PTPRK: variants seen among roughly 807,000 people sequenced by gnomAD.
PTPRK encodes receptor-type tyrosine-protein phosphatase kappa.
Under a neutral mutation model 178.0 loss-of-function variants are expected in PTPRK, and 75 were observed. The ratio of observed to expected loss-of-function variants is 0.42; its 90% CI spans 0.35 to 0.51. The LOEUF (loss-of-function observed/expected upper bound fraction) is 0.51, where lower values mean the gene tolerates loss of function less well. Ranked by LOEUF, PTPRK falls within the 20% of genes least tolerant of loss-of-function variation. The pLI is 0.02. For synonymous variants in PTPRK, 637 were observed against 620.6 expected, an observed-to-expected ratio of 1.03 and a Z score of -0.39; for missense variants, 1,441 against 1,797.8, an observed-to-expected ratio of 0.80 and a Z score of 3.59.
chr6:128,237,805 A>C (rs888083902), intron 5 of PTPRK, among the ~76,000 whole-genome samples: 4 of 151,312 alleles, frequency 2.6e-5, no homozygotes, highest in African/African-American at 9.8e-5. Flanking sequence ...TCACTTTGGA[A>C]CCAGAATTCT....
intron 1 of PTPRK, among the ~76,000 whole-genome samples, chr6:128,409,870 G>A (rs1272196887): frequency 1.3e-5 from 2 of 152,184 alleles, no homozygotes; most frequent in African/African-American, 4.8e-5. Flanking sequence ...CCCCAGCCAT[G>A]TGGAACTGTA....
At chr6:128,128,707 T>C (rs921817660) in intron 7 of PTPRK, among the ~76,000 whole-genome samples, 1 of 152,176 alleles carries the variant, frequency 6.6e-6, no homozygotes, top group Non-Finnish European at 1.5e-5. Flanking sequence ...TCCAACAAAA[T>C]TTTAAGATAC....
chr6:128,014,495 G>GT (rs1779382693), intron 13 of PTPRK, among the ~76,000 whole-genome samples: 1 of 151,514 alleles, frequency 6.6e-6, no homozygotes, highest in Non-Finnish European at 1.5e-5. Context: ...TAGCTTTTAG[G>GT]AATACCAAGT....
At chr6:128,135,994 T>C (rs1171637941) in intron 7 of PTPRK, among the ~76,000 whole-genome samples, 2 of 152,166 alleles carry the variant, frequency 1.3e-5, no homozygotes, top group Non-Finnish European at 2.9e-5. Flanking sequence ...CTAATACCTC[T>C]GAATGTGACT....
rs79286337 is a variant in PTPRK at position 128,173,773 on chromosome 6, C to T, written c.1162+10659G>A. Among the ~76,000 whole-genome samples the T allele has an allele frequency of 4.1e-3, 622 of 152,030 alleles. 2 individuals are homozygous for T. The highest frequency in any genetic ancestry group is 0.014 in the African/African-American group (582 of 41,516). On this transcript the variant is annotated intron_variant, in intron 7 of 29. Transcript: ENST00000368226. ...ATTGGAATTCTTATCTCCTCTGCTT[C>T]GGTTCAAGTACTGATCAATTTTTGC...
At chr6:128,414,151 TACTC>T (rs1406665197) in intron 1 of PTPRK, among the ~76,000 whole-genome samples, 2 of 152,160 alleles carry the variant, frequency 1.3e-5, no homozygotes, top group Non-Finnish European at 2.9e-5. Context: ...AGTAAATAGA[TACTC>T]ACAGAAAAAG....
chr6:128,050,409 T>C (rs1231667106), intron 13 of PTPRK, among the ~76,000 whole-genome samples: 1 of 152,228 alleles, frequency 6.6e-6, no homozygotes, highest in Non-Finnish European at 1.5e-5. Flanking sequence ...GGCTATTTTA[T>C]AAATGGAAAG....
intron 1 of PTPRK, among the ~76,000 whole-genome samples, chr6:128,409,028 A>G (rs1841999654): frequency 6.6e-6 from 1 of 152,246 alleles, no homozygotes; most frequent in Admixed American, 6.5e-5. Flanking sequence ...TGTTGAATCA[A>G]TTACAAAAAT....
intron 13 of PTPRK, among the ~76,000 whole-genome samples, chr6:128,054,566 A>AG (rs1184913642): frequency 6.6e-6 from 1 of 152,202 alleles, no homozygotes; most frequent in African/African-American, 2.4e-5. Context: ...TAAATAGCAG[A>AG]GGGGGGATTT....
intron 25 of PTPRK, among the ~76,000 whole-genome samples, chr6:127,978,518 C>G (rs1260027185): frequency 2.4e-4 from 36 of 152,128 alleles, no homozygotes; most frequent in Non-Finnish European, 1.5e-5. Flanking sequence ...AACTGTGAGT[C>G]AATTAAAACT....
At chr6:128,029,496 C>CA (rs1304653712) in intron 13 of PTPRK, among the ~76,000 whole-genome samples, 9 of 151,840 alleles carry the variant, frequency 5.9e-5, no homozygotes, top group African/African-American at 2.2e-4. Flanking sequence ...ACTAAAAATA[C>CA]AAAAATTAGC....
At chr6:128,156,616 C>T (rs1797989672) in intron 7 of PTPRK, among the ~76,000 whole-genome samples, 2 of 151,904 alleles carry the variant, frequency 1.3e-5, no homozygotes, top group Non-Finnish European at 1.5e-5. Flanking sequence ...CCAGGCCCTT[C>T]CTCCTACATG....
intron 1 of PTPRK, among the ~76,000 whole-genome samples, chr6:128,426,816 A>G (rs1844201771): frequency 6.6e-6 from 1 of 152,150 alleles, no homozygotes; most frequent in African/African-American, 2.4e-5. Context: ...GCCTGAAATT[A>G]AATATATAAT....
chr6:128,115,661 G>A (rs1791381252), intron 7 of PTPRK, among the ~76,000 whole-genome samples: 1 of 151,856 alleles, frequency 6.6e-6, no homozygotes, highest in Non-Finnish European at 1.5e-5. Flanking sequence ...AGCTTTCAAG[G>A]TTTAAATGAC....
intron 1 of PTPRK, among the ~76,000 whole-genome samples, chr6:128,489,559 T>C (rs1057430891): frequency 2.0e-5 from 3 of 152,252 alleles, no homozygotes; most frequent in South Asian, 2.1e-4. Flanking sequence ...CTTAGTCATA[T>C]AAAATTAAGG....
chr6:128,132,755 T>C (rs1450608167), intron 7 of PTPRK, among the ~76,000 whole-genome samples: 1 of 152,266 alleles, frequency 6.6e-6, no homozygotes, highest in Non-Finnish European at 1.5e-5. Flanking sequence ...GTTCTACATA[T>C]GCTACTGCAA....
At chr6:128,057,142 T>C (rs1780037876) in intron 13 of PTPRK, among the ~76,000 whole-genome samples, 1 of 152,210 alleles carries the variant, frequency 6.6e-6, no homozygotes, top group Admixed American at 6.5e-5. Context: ...ATGATTAATT[T>C]TCTAATTATT....
At chr6:128,253,600 A>G (rs1230098714) in intron 3 of PTPRK, among the ~76,000 whole-genome samples, 1 of 152,164 alleles carries the variant, frequency 6.6e-6, no homozygotes, top group Non-Finnish European at 1.5e-5. Flanking sequence ...TACAATCCAC[A>G]AGCAGAACCT....
intron 13 of PTPRK, among the ~76,000 whole-genome samples, chr6:128,031,553 G>T (rs1775334904): frequency 6.6e-6 from 1 of 152,182 alleles, no homozygotes; most frequent in Admixed American, 6.5e-5. Context: ...TGTAAGAACA[G>T]ACTATGGTAA....
Sources: gnomAD v4.1 joint callset for allele counts (sites outside exome capture counted in the v4.1 genomes callset) on GRCh38, gnomAD v4.1.1 for gene constraint, MANE v1.5 for transcripts, NCBI Gene and HGNC (gene_info 2026-07-23, HGNC 2026-07-21) for gene names.